Variants in PRKCE observed in about 807,000 individuals in gnomAD.
The protein encoded by PRKCE is protein kinase C epsilon, also known as protein kinase C epsilon type.
Under a neutral mutation model 85.4 loss-of-function variants are expected in PRKCE, and 16 were observed. The observed-to-expected ratio is 0.19, with a 90% CI of 0.13 to 0.28. The LOEUF (loss-of-function observed/expected upper bound fraction) is 0.28. Ranked by LOEUF, PRKCE falls within the 10% of genes least tolerant of loss-of-function variation. The probability of loss-of-function intolerance (pLI) is 1.00; values close to 1 mark genes in which losing one functional copy is unlikely to be tolerated. For synonymous variants in PRKCE, 388 were observed against 371.5 expected, an observed-to-expected ratio of 1.04 and a Z score of -0.51; for missense variants, 573 against 975.2, an observed-to-expected ratio of 0.59 and a Z score of 5.49.
At chr2:46,052,393 C>T (rs974276456) in intron 10 of PRKCE, among the ~76,000 whole-genome samples, 5 of 152,210 alleles carry the variant, frequency 3.3e-5, no homozygotes, top group East Asian at 1.9e-4. Context: ...CAGTTCCATT[C>T]GCAAAGACAT....
At chr2:45,875,678 CACT>C in intron 2 of PRKCE, among the ~76,000 whole-genome samples, 1 of 152,148 alleles carries the variant, frequency 6.6e-6, no homozygotes, top group East Asian at 1.9e-4. Context: ...GATATTTTGC[CACT>C]ACTAAACTGG....
In PRKCE at chr2:46,141,396, G is replaced by A. The variant is rs577643755; in HGVS notation, c.1593-3697G>A. Among the ~76,000 whole-genome samples, 359 of 152,176 alleles carry A rather than the reference G, an allele frequency of 2.4e-3. 3 individuals carry two copies. Among genetic ancestry groups the A allele is most frequent in the African/African-American group, 8.1e-3 (337 of 41,512 alleles). On this transcript the variant is annotated intron_variant, in intron 11 of 14. Transcript: ENST00000306156. ...TAAGCTCCCATTTAGTTAAATGAGG[G>A]GAAATGAACATATAATCATATTTTC...
intron 1 of PRKCE, among the ~76,000 whole-genome samples, chr2:45,753,995 T>TG (rs1426868794): frequency 6.6e-6 from 1 of 152,248 alleles, no homozygotes; most frequent in African/African-American, 2.4e-5. Context: ...AAAAGGTCTT[T>TG]GCAGTTGAAT....
At chr2:45,758,195 C>T (rs114629899) in intron 1 of PRKCE, among the ~76,000 whole-genome samples, 2 of 152,146 alleles carry the variant, frequency 1.3e-5, no homozygotes, top group African/African-American at 2.4e-5. Flanking sequence ...GGTAAATGAC[C>T]TAAGTTCCCT....
At chr2:45,992,668 G>A (rs905472172) in intron 6 of PRKCE, among the ~76,000 whole-genome samples, 12 of 152,178 alleles carry the variant, frequency 7.9e-5, no homozygotes, top group African/African-American at 2.7e-4. Context: ...CATGGGCCTG[G>A]GCCCCTCCTT....
At chr2:45,843,231 G>C (rs374843994) in intron 2 of PRKCE, among the ~76,000 whole-genome samples, 168 bp downstream of exon 2, 16 of 152,238 alleles carry the variant, frequency 1.1e-4, no homozygotes, top group African/African-American at 2.4e-4. Context: ...TACCAAAAGG[G>C]ACCAGCCATC....
intron 1 of PRKCE, among the ~76,000 whole-genome samples, chr2:45,660,295 T>A (rs1055131135): frequency 5.3e-5 from 8 of 152,198 alleles, no homozygotes; most frequent in African/African-American, 1.9e-4. Context: ...TATTTTATTT[T>A]ATAAAAATCT....
chr2:45,784,246 C>G (rs780098199), intron 1 of PRKCE, among the ~76,000 whole-genome samples: 31 of 152,258 alleles, frequency 2.0e-4, no homozygotes, highest in Non-Finnish European at 3.7e-4. Context: ...GAGCTGAAGA[C>G]ATGGAATTGG....
intron 2 of PRKCE, among the ~76,000 whole-genome samples, chr2:45,855,456 C>G (rs1370733641): frequency 6.6e-6 from 1 of 152,150 alleles, no homozygotes; most frequent in Non-Finnish European, 1.5e-5. Flanking sequence ...TTGTGTGAAC[C>G]CTTCCTAAGA....
intron 2 of PRKCE, among the ~76,000 whole-genome samples, chr2:45,917,773 G>A (rs1468463862): frequency 1.3e-5 from 2 of 152,230 alleles, no homozygotes; most frequent in Non-Finnish European, 2.9e-5. Flanking sequence ...GGTCGGGGGT[G>A]GGAGGCTCAG....
At chr2:45,662,889 A>C (rs563788078) in intron 1 of PRKCE, among the ~76,000 whole-genome samples, 11 of 152,034 alleles carry the variant, frequency 7.2e-5, no homozygotes, top group Non-Finnish European at 8.8e-5. Flanking sequence ...GCAAGCAAGC[A>C]AGCAGAATTC....
At chr2:46,035,574 C>T (rs1043034689) in intron 10 of PRKCE, among the ~76,000 whole-genome samples, 1 of 152,180 alleles carries the variant, frequency 6.6e-6, no homozygotes, top group Non-Finnish European at 1.5e-5. Flanking sequence ...TTAGAGGTCT[C>T]AGCTCAAGGA....
At chr2:45,759,694 A>T (rs1684281580) in intron 1 of PRKCE, among the ~76,000 whole-genome samples, 1 of 152,224 alleles carries the variant, frequency 6.6e-6, no homozygotes, top group Non-Finnish European at 1.5e-5. Context: ...AGTAAGACAG[A>T]AATAGCTAGT....
chr2:45,720,671 C>G (rs936100439), intron 1 of PRKCE, among the ~76,000 whole-genome samples: 9 of 152,202 alleles, frequency 5.9e-5, no homozygotes, highest in African/African-American at 2.2e-4. Flanking sequence ...ATTTTTCAGT[C>G]ATTCACCTAA....
Position 45,867,993 on chromosome 2 carries a change from C to A in PRKCE, c.412+24930C>A, listed in dbSNP as rs938913022. Among the ~76,000 whole-genome samples the A allele has an allele frequency of 2.0e-5, 3 of 152,212 alleles. No homozygotes were observed. The East Asian group carries it at 5.8e-4, about 29-fold the overall frequency. On this transcript the variant is annotated intron_variant, in intron 2 of 14. Coordinates refer to ENST00000306156, the MANE Select transcript of PRKCE (RefSeq NM_005400.3). ...TGAAGTTTTTAAAAAGAGGGCGTAT[C>A]ATTGTTTTGATGCCTCATTCCCGCC... is the stretch of plus-strand genomic sequence containing the variant.
At chr2:45,860,709 TG>T (rs1481143890) in intron 2 of PRKCE, among the ~76,000 whole-genome samples, 1 of 152,168 alleles carries the variant, frequency 6.6e-6, no homozygotes, top group Non-Finnish European at 1.5e-5. Flanking sequence ...GAAGTCTCTC[TG>T]GGGGCCCTGC....
At chr2:46,014,801 G>A (rs1705986986) in intron 10 of PRKCE, among the ~76,000 whole-genome samples, 2 of 152,176 alleles carry the variant, frequency 1.3e-5, no homozygotes, top group African/African-American at 4.8e-5. Flanking sequence ...AACCTACCCT[G>A]GACCTGGAAG....
chr2:45,993,686 G>A (rs1574151421), intron 6 of PRKCE, among the ~76,000 whole-genome samples: 1 of 152,252 alleles, frequency 6.6e-6, no homozygotes, highest in East Asian at 1.9e-4. Flanking sequence ...TCACTTCACA[G>A]AGAGGCAGAA....
chr2:45,677,475 G>C (rs1456104750), intron 1 of PRKCE, among the ~76,000 whole-genome samples: 4 of 151,750 alleles, frequency 2.6e-5, no homozygotes, highest in Non-Finnish European at 1.5e-5. Context: ...TCCTGCCTCA[G>C]CCTCCCGAGT....
Sources: gnomAD v4.1 joint callset for allele counts (sites outside exome capture counted in the v4.1 genomes callset) on GRCh38, gnomAD v4.1.1 for gene constraint, MANE v1.5 for transcripts, NCBI Gene and HGNC (gene_info 2026-07-23, HGNC 2026-07-21) for gene names.